CDH11: variants seen among roughly 807,000 people sequenced by gnomAD.
The protein encoded by CDH11 is cadherin-11.
Under a neutral mutation model 67.8 loss-of-function variants are expected in CDH11, and 11 were observed. That is an observed-to-expected ratio of 0.16 (90% confidence interval 0.10 to 0.27). CDH11 has a LOEUF of 0.27. Ranked by LOEUF, CDH11 falls within the 10% of genes least tolerant of loss-of-function variation. The pLI is 1.00. For missense variants in CDH11, 847 were observed against 1,031.2 expected, an observed-to-expected ratio of 0.82 and a Z score of 2.45; for synonymous variants, 419 against 400.0, an observed-to-expected ratio of 1.05 and a Z score of -0.57.
intron 2 of CDH11, among the ~76,000 whole-genome samples, chr16:65,039,132 T>C (rs773402197): frequency 3.9e-5 from 6 of 152,210 alleles, no homozygotes; most frequent in Non-Finnish European, 8.8e-5. Flanking sequence ...GGTTTTCGCC[T>C]CTGTAGAATG....
Position 65,115,382 on chromosome 16 carries a change from A to G in CDH11, c.-298+6498T>C, listed in dbSNP as rs374010349. On this transcript the variant is annotated intron_variant, in intron 1 of 12. Coordinates refer to ENST00000268603, the MANE Select transcript of CDH11 (RefSeq NM_001797.4). ...TAATTGGGAGAGGCCTCAATCTAAAACAAATGTTCAATGCAAGATTTCTGG... is the reference window on the plus strand; with the variant it reads ...TAATTGGGAGAGGCCTCAATCTAAAGCAAATGTTCAATGCAAGATTTCTGG... 6.5e-4 allele frequency among the ~76,000 whole-genome samples: 99 copies of G among 152,224 alleles called. No individual in the cohort carries two copies. The South Asian group carries it at 0.019, about 29-fold the overall frequency.
intron 7 of CDH11, chr16:64,986,254 A>C (rs939911013): frequency 6.8e-6 from 1 of 147,494 alleles, no homozygotes; most frequent in African/African-American, 2.4e-5. Context: ...TCTTTTACAA[A>C]TGCAATAACA....
intron 1 of CDH11, among the ~76,000 whole-genome samples, chr16:65,067,842 G>A (rs2074342061): frequency 1.5e-5 from 2 of 136,704 alleles, no homozygotes; most frequent in South Asian, 5.3e-4. Flanking sequence ...AACAGAGGGA[G>A]GATGAATTGG....
At chr16:65,016,808 G>C (rs1245704491) in intron 2 of CDH11, among the ~76,000 whole-genome samples, 4 of 152,152 alleles carry the variant, frequency 2.6e-5, no homozygotes, top group Non-Finnish European at 5.9e-5. Context: ...AGCATGGGCT[G>C]CTTGACTAAG....
At chr16:65,106,648 G>A (rs2075071577) in intron 1 of CDH11, among the ~76,000 whole-genome samples, 1 of 152,150 alleles carries the variant, frequency 6.6e-6, no homozygotes, top group Admixed American at 6.5e-5. Context: ...AAAACTGAAT[G>A]TATACATCTT....
At chr16:65,099,974 C>T (rs1012890991) in intron 1 of CDH11, among the ~76,000 whole-genome samples, 21 of 151,990 alleles carry the variant, frequency 1.4e-4, no homozygotes, top group Non-Finnish European at 2.1e-4. Context: ...AGATTAAGGA[C>T]GCATCTCAGA....
intron 1 of CDH11, among the ~76,000 whole-genome samples, chr16:65,109,041 G>A (rs2075114494): frequency 6.6e-6 from 1 of 152,126 alleles, no homozygotes; most frequent in African/African-American, 2.4e-5. Context: ...CAGCTACTTG[G>A]GAGGTTGAGG....
chr16:64,974,202 C>T (rs1435871198), intron 8 of CDH11, among the ~76,000 whole-genome samples: 1 of 152,080 alleles, frequency 6.6e-6, no homozygotes, highest in Non-Finnish European at 1.5e-5. Flanking sequence ...CAAACCCCTT[C>T]CCTTTCCACT....
chr16:65,094,365 C>T (rs560793571), intron 1 of CDH11, among the ~76,000 whole-genome samples: 8 of 152,154 alleles, frequency 5.3e-5, no homozygotes, highest in African/African-American at 1.7e-4. Context: ...TAGAATTTCT[C>T]CCACAGAGTC....
chr16:64,994,814 A>T (rs374060942), intron 4 of CDH11, among the ~76,000 whole-genome samples: 1 of 152,210 alleles, frequency 6.6e-6, no homozygotes, highest in African/African-American at 2.4e-5. Context: ...GAAAACTCTA[A>T]AGACTCTGCC....
rs1567592409 is a variant in CDH11, at chr16:65,121,578, CTG to C, written c.-298+300_-298+301del. On this transcript the variant is annotated intron_variant, in intron 1 of 12. Transcript: ENST00000268603. This position sits in a 1 kb window ranked among gnomAD's most constrained non-coding sequence, Gnocchi z 4.1. Reference sequence around the variant, plus strand: ...TGCCCCAGCCAGGTACAAACCCCCTCTGCTGTGGCCTCGGCGCAGACCCCACA... The same window carrying C: ...TGCCCCAGCCAGGTACAAACCCCCTCCTGTGGCCTCGGCGCAGACCCCACA... 6.6e-6 allele frequency among the ~76,000 whole-genome samples: 1 copy of C among 152,206 alleles called. No individual in the cohort carries two copies. The highest frequency in any genetic ancestry group is 1.5e-5 in the Non-Finnish European group (1 of 68,042).
Position 64,976,780 on chromosome 16 carries a change from G to A in CDH11, c.1254-3740C>T, listed in dbSNP as rs893676698. 3.3e-5 allele frequency among the ~76,000 whole-genome samples: 5 copies of A among 152,160 alleles called. No homozygotes were observed. In the East Asian group the frequency reaches 5.8e-4, roughly 18 times the overall value. On this transcript the variant is annotated intron_variant, in intron 8 of 12. Coordinates refer to ENST00000268603, the MANE Select transcript of CDH11 (RefSeq NM_001797.4). ...AGAGAATTGCTTGAACCCAGGAGGC[G>A]GAGGTTGCAGTGAGCTGGGATCACG...
At chr16:64,958,786 T>G (rs2071592474) in intron 11 of CDH11, among the ~76,000 whole-genome samples, 1 of 152,104 alleles carries the variant, frequency 6.6e-6, no homozygotes. Context: ...AAAGAAAAAC[T>G]CAGTTTCTAG....
chr16:65,043,412 A>G (rs1307888089), intron 2 of CDH11, among the ~76,000 whole-genome samples: 2 of 152,176 alleles, frequency 1.3e-5, no homozygotes, highest in Admixed American at 6.5e-5. Context: ...ATCAGAAACA[A>G]ACATAAAGAG....
chr16:64,948,711 T>A lies in CDH11; in HGVS notation c.1895-612A>T, dbSNP rs1292852813. The A allele has an allele frequency of 1.9e-6, 3 of 1,604,358 alleles. No individual in the cohort carries two copies. In the African/African-American group the frequency reaches 4.0e-5, roughly 21 times the overall value. Reference sequence around the variant, plus strand: ...TTCTGTTTACTTTAACATAGGAAAATAGCATCAGCTGGAAGCCCAGATAAA... The same window carrying A: ...TTCTGTTTACTTTAACATAGGAAAAAAGCATCAGCTGGAAGCCCAGATAAA... On this transcript the variant is annotated intron_variant, in intron 12 of 12. Coordinates refer to ENST00000268603, the MANE Select transcript of CDH11 (RefSeq NM_001797.4).
intron 7 of CDH11, chr16:64,987,905 C>T: frequency 2.8e-6 from 1 of 354,002 alleles, no homozygotes; most frequent in South Asian, 9.1e-5. Flanking sequence ...TGCTTCCCTC[C>T]ATCGGAAAAC....
chr16:64,992,869 T>C, intron 5 of CDH11, 46 bp downstream of exon 5: 1 of 1,599,234 alleles, frequency 6.3e-7, no homozygotes, highest in Non-Finnish European at 8.6e-7. Context: ...GGCCTGGGAC[T>C]TCTTATTCAC....
chr16:64,991,783 G>C lies in CDH11; in HGVS notation c.796C>G (p.Pro266Ala). The change falls in exon 6 of 13, where the codon CCA (proline) becomes GCA (alanine). Residue 266 changes from proline to alanine, a missense_variant. Pro to Ala is a conservative substitution (Grantham distance 27, BLOSUM62 -1). Transcript: ENST00000268603. Reference protein sequence around the residue: ...ITLTDVNDNPPKFPQSVYQMS... With the variant: ...ITLTDVNDNPAKFPQSVYQMS... ...ACCTACTTACTCTGCGGAAACTTTG[G>C]TGGGTTGTCATTGACATCGGTCAGT... The C allele has an allele frequency of 6.2e-7, 1 of 1,613,368 alleles. No homozygotes were observed. Among genetic ancestry groups the C allele is most frequent in the Non-Finnish European group, 8.5e-7 (1 of 1,179,400 alleles).
intron 2 of CDH11, among the ~76,000 whole-genome samples, chr16:65,037,213 G>C (rs999800034): frequency 6.6e-6 from 1 of 152,188 alleles, no homozygotes. Context: ...CTTACCAGCT[G>C]TGTGGCATCA....
Sources: allele counts gnomAD v4.1 joint callset (sites outside exome capture counted in the v4.1 genomes callset), GRCh38; gene constraint gnomAD v4.1.1; non-coding constraint Gnocchi (gnomAD v3.1); transcripts MANE v1.5; gene names NCBI Gene and HGNC (gene_info 2026-07-23, HGNC 2026-07-21).